Variants in ATF7IP observed in about 807,000 individuals in gnomAD.
ATF7IP encodes the protein activating transcription factor 7-interacting protein 1.
A neutral mutation model predicts 106.4 loss-of-function variants in ATF7IP; 23 were observed. The ratio of observed to expected loss-of-function variants is 0.22; its 90% CI spans 0.16 to 0.31. The LOEUF (loss-of-function observed/expected upper bound fraction) is 0.31. Ranked by LOEUF, ATF7IP falls within the 10% of genes least tolerant of loss-of-function variation. The probability of loss-of-function intolerance (pLI) is 1.00; values close to 1 mark genes in which losing one functional copy is unlikely to be tolerated. For synonymous variants in ATF7IP, 542 were observed against 539.0 expected (o/e 1.01, Z -0.08); for missense variants, 1,334 against 1,524.3 (o/e 0.88, Z 2.08).
intron 1 of ATF7IP, among the ~76,000 whole-genome samples, chr12:14,413,117 A>ATCTT (rs1352713206): frequency 3.3e-5 from 5 of 152,220 alleles, no homozygotes; most frequent in Admixed American, 2.6e-4. Context: ...GAGGGCAGAT[A>ATCTT]TCTTTTGTTC....
At chr12:14,373,010 G>A (rs1175320308) in intron 1 of ATF7IP, among the ~76,000 whole-genome samples, 2 of 152,104 alleles carry the variant, frequency 1.3e-5, no homozygotes, top group Non-Finnish European at 1.5e-5. Context: ...CTAAAAAGAT[G>A]GAAAGGGAAT....
At chr12:14,473,968 G>T (rs1032636427) in intron 10 of ATF7IP, among the ~76,000 whole-genome samples, 2 of 151,860 alleles carry the variant, frequency 1.3e-5, no homozygotes, top group Non-Finnish European at 2.9e-5. Context: ...TTCAGTATTT[G>T]AACTATGATG....
intron 5 of ATF7IP, among the ~76,000 whole-genome samples, chr12:14,438,576 G>T (rs1942533765): frequency 6.6e-6 from 1 of 152,156 alleles, no homozygotes; most frequent in African/African-American, 2.4e-5. Flanking sequence ...TGTAGCTTCT[G>T]TTGGTTTGCG....
intron 11 of ATF7IP, among the ~76,000 whole-genome samples, chr12:14,478,066 G>C (rs1944314795): frequency 6.6e-6 from 1 of 152,164 alleles, no homozygotes; most frequent in South Asian, 2.1e-4. Flanking sequence ...TGATTTACAA[G>C]TAAGATTATT....
At chr12:14,453,664 G>A (rs550791761) in intron 6 of ATF7IP, among the ~76,000 whole-genome samples, 19 of 149,844 alleles carry the variant, frequency 1.3e-4, no homozygotes, top group African/African-American at 3.9e-4. Flanking sequence ...CGCTCCTGTC[G>A]CCCAGGCTGG....
intron 1 of ATF7IP, among the ~76,000 whole-genome samples, chr12:14,408,892 G>T (rs771955614): frequency 6.6e-6 from 1 of 151,980 alleles, no homozygotes; most frequent in African/African-American, 2.4e-5. Flanking sequence ...TGTACATAGC[G>T]CATCATTCTT....
intron 5 of ATF7IP, among the ~76,000 whole-genome samples, chr12:14,438,871 A>T (rs1253415415): frequency 6.6e-6 from 1 of 152,204 alleles, no homozygotes; most frequent in Non-Finnish European, 1.5e-5. Context: ...AAATTCCTGG[A>T]TCTAACTTAG....
chr12:14,453,832 C>T (rs1943305555), intron 6 of ATF7IP, among the ~76,000 whole-genome samples: 1 of 152,090 alleles, frequency 6.6e-6, no homozygotes, highest in African/African-American at 2.4e-5. Context: ...ACCATTTTGG[C>T]TAGGCTGCTC....
rs529182445 is a variant in ATF7IP, at chr12:14,445,928, G to A, written c.1930-1060G>A. 3.3e-5 allele frequency among the ~76,000 whole-genome samples: 5 copies of A among 152,204 alleles called. No individual in the cohort carries two copies. The South Asian group carries it at 6.2e-4, about 19-fold the overall frequency. On this transcript the variant is annotated intron_variant, in intron 5 of 14. Transcript: ENST00000261168. ...AGCAACAGAAACAGTTGAATATTACGTCTATGCTTAGTAAAAGACTGAAAG... is the reference window on the plus strand; with the variant it reads ...AGCAACAGAAACAGTTGAATATTACATCTATGCTTAGTAAAAGACTGAAAG...
chr12:14,493,506 T>C (rs1343753776), intron 13 of ATF7IP, among the ~76,000 whole-genome samples: 2 of 152,158 alleles, frequency 1.3e-5, no homozygotes, highest in African/African-American at 4.8e-5. Flanking sequence ...CTTTATTTCT[T>C]CAGACAAAGT....
At chr12:14,389,948 A>C (rs1225907441) in intron 1 of ATF7IP, among the ~76,000 whole-genome samples, 1 of 152,218 alleles carries the variant, frequency 6.6e-6, no homozygotes, top group Non-Finnish European at 1.5e-5. Flanking sequence ...GTTAACATTT[A>C]AAGTTGTCAG....
chr12:14,439,736 G>A (rs1224735552), intron 5 of ATF7IP, among the ~76,000 whole-genome samples: 1 of 152,224 alleles, frequency 6.6e-6, no homozygotes, highest in African/African-American at 2.4e-5. Context: ...TGGAGGTTGA[G>A]GCATGAGAAT....
rs202233447 is a variant in ATF7IP at position 14,461,167 on chromosome 12, C to G, written c.2797+34C>G. On this transcript the variant is annotated intron_variant, in intron 9 of 14. Coordinates refer to ENST00000261168, the MANE Select transcript of ATF7IP (RefSeq NM_018179.5). Reference sequence around the variant, plus strand: ...CCATGTAGGTTTAATACTAGAAATGCAAGCATCTTAATAGCCTTGTAATGA... The same window carrying G: ...CCATGTAGGTTTAATACTAGAAATGGAAGCATCTTAATAGCCTTGTAATGA... 6.3e-6 allele frequency: 10 copies of G among 1,579,058 alleles called. No individual in the cohort carries two copies. In the South Asian group the frequency reaches 1.2e-4, roughly 18 times the overall value.
chr12:14,440,410 A>G (rs1942641614), intron 5 of ATF7IP, among the ~76,000 whole-genome samples: 1 of 152,162 alleles, frequency 6.6e-6, no homozygotes, highest in African/African-American at 2.4e-5. Flanking sequence ...TCATTTTTAA[A>G]ATTTTTAAAT....
At chr12:14,475,666 C>T (rs1167599724) in intron 10 of ATF7IP, among the ~76,000 whole-genome samples, 1 of 152,052 alleles carries the variant, frequency 6.6e-6, no homozygotes, top group Admixed American at 6.6e-5. Flanking sequence ...AAGAAAACGT[C>T]TTGAATTTCT....
At chr12:14,436,033 T>C (rs760452341) in intron 3 of ATF7IP, 73 bp from the exon 4 acceptor site, 228 of 1,447,612 alleles carry the variant, frequency 1.6e-4, no homozygotes, top group Non-Finnish European at 2.0e-4. Flanking sequence ...AATATTTTGC[T>C]AAGGATGGAT....
intron 5 of ATF7IP, among the ~76,000 whole-genome samples, chr12:14,444,129 T>G (rs1017217552): frequency 1.4e-4 from 21 of 152,194 alleles, no homozygotes; most frequent in African/African-American, 4.6e-4. Flanking sequence ...ATGGAAAAGC[T>G]GTCAACACAC....
chr12:14,496,194 TATC>T, intron 13 of ATF7IP, 34 bp from the exon 14 acceptor site: 2 of 1,289,168 alleles, frequency 1.6e-6, no homozygotes, highest in Non-Finnish European at 1.1e-6. Context: ...ACAATAGAAT[TATC>T]ATTTTATCCT....
Position 14,461,047 on chromosome 12 carries a change from G to A in ATF7IP, c.2711G>A (p.Arg904Gln), listed in dbSNP as rs775807378. 12 of 1,613,914 alleles carry A rather than the reference G, an allele frequency of 7.4e-6. No homozygotes were observed. Among genetic ancestry groups the A allele is most frequent in the Middle Eastern group, 1.6e-4 (1 of 6,084 alleles). ...PSGLYSPSTNRGPIQMKIPIS... is the reference protein window; with the variant it reads ...PSGLYSPSTNQGPIQMKIPIS... ...GGACTCTATAGTCCATCAACTAATC[G>A]AGGTCCTATACAGATGAAAATTCCA... Residue 904 changes from arginine (R) to glutamine (Q), a missense_variant, in exon 9 of 15, where the codon CGA (arginine) becomes CAA (glutamine). Physicochemically the swap from Arg to Gln is conservative, Grantham distance 43. Coordinates refer to ENST00000261168, the MANE Select transcript of ATF7IP (RefSeq NM_018179.5).
Sources: gnomAD v4.1 joint callset for allele counts (sites outside exome capture counted in the v4.1 genomes callset) on GRCh38, gnomAD v4.1.1 for gene constraint, MANE v1.5 for transcripts, NCBI Gene and HGNC (gene_info 2026-07-23, HGNC 2026-07-21) for gene names.